The following SORCS2 variants were observed in gnomAD, a reference collection of about 807,000 sequenced individuals.
SORCS2 encodes VPS10 domain-containing receptor SorCS2.
A neutral mutation model predicts 141.6 loss-of-function variants in SORCS2; 100 were observed. The ratio of observed to expected loss-of-function variants is 0.71; its 90% confidence interval spans 0.60 to 0.83. The LOEUF (loss-of-function observed/expected upper bound fraction) is 0.83, where lower values mean the gene tolerates loss of function less well. SORCS2 is among the 40% of genes least tolerant of loss of function. The pLI is 0.00. For missense variants in SORCS2, 1,646 were observed against 1,560.2 expected, an observed-to-expected ratio of 1.05 and a Z score of -0.93; for synonymous variants, 789 against 676.9, an observed-to-expected ratio of 1.17 and a Z score of -2.57.
At chr4:7,236,517 C>G (rs1374937245) in intron 1 of SORCS2, among the ~76,000 whole-genome samples, 1 of 152,146 alleles carries the variant, frequency 6.6e-6, no homozygotes, top group African/African-American at 2.4e-5. Flanking sequence ...AGAATATTCT[C>G]TGCCGCTGTG....
At chr4:7,397,441 A>G (rs1201701315) in intron 2 of SORCS2, among the ~76,000 whole-genome samples, 1 of 150,996 alleles carries the variant, frequency 6.6e-6, no homozygotes, top group Non-Finnish European at 1.5e-5. Flanking sequence ...CCCAGCAAAA[A>G]CGCTTTTCCT....
intron 1 of SORCS2, among the ~76,000 whole-genome samples, chr4:7,370,407 G>A (rs150555524): frequency 2.0e-5 from 3 of 152,226 alleles, no homozygotes; most frequent in Admixed American, 1.3e-4. Context: ...AGGAGGAGAA[G>A]TTTGTATTCA....
chr4:7,289,575 T>C (rs1716472688), intron 1 of SORCS2, among the ~76,000 whole-genome samples: 1 of 152,162 alleles, frequency 6.6e-6, no homozygotes, highest in South Asian at 2.1e-4. Context: ...GCACTGTGGA[T>C]TGGCAGCAGC....
chr4:7,484,582 G>A (rs1450158926), intron 2 of SORCS2, among the ~76,000 whole-genome samples: 1 of 152,134 alleles, frequency 6.6e-6, no homozygotes, highest in Non-Finnish European at 1.5e-5. Context: ...GGAAATACCA[G>A]GAACAGGAAG....
At chr4:7,625,526 C>A (rs752363535) in intron 3 of SORCS2, among the ~76,000 whole-genome samples, 1 of 151,828 alleles carries the variant, frequency 6.6e-6, no homozygotes, top group Non-Finnish European at 1.5e-5. Context: ...CAAGCAGAGA[C>A]GAGCCCGGGA....
At chr4:7,492,831 C>T (rs932150271) in intron 2 of SORCS2, among the ~76,000 whole-genome samples, 1 of 152,228 alleles carries the variant, frequency 6.6e-6, no homozygotes, top group Non-Finnish European at 1.5e-5. Flanking sequence ...GAAGAAGGTA[C>T]CATTTCCCGT....
chr4:7,626,023 G>A (rs1165568344), intron 3 of SORCS2, among the ~76,000 whole-genome samples: 2 of 152,022 alleles, frequency 1.3e-5, no homozygotes, highest in African/African-American at 2.4e-5. Flanking sequence ...ACACGCGCCT[G>A]TGGTTCCCAG....
At chr4:7,244,851 C>T (rs1712970107) in intron 1 of SORCS2, among the ~76,000 whole-genome samples, 1 of 152,238 alleles carries the variant, frequency 6.6e-6, no homozygotes, top group Non-Finnish European at 1.5e-5. Flanking sequence ...TTTTCAGAAT[C>T]TTGGTGAGGG....
intron 2 of SORCS2, among the ~76,000 whole-genome samples, chr4:7,410,728 G>A (rs1725247084): frequency 6.6e-6 from 1 of 152,166 alleles, no homozygotes; most frequent in African/African-American, 2.4e-5. Context: ...ACAGCAGATA[G>A]GGATTGAGAG....
At chr4:7,275,938 A>G (rs1715469835) in intron 1 of SORCS2, among the ~76,000 whole-genome samples, 1 of 152,208 alleles carries the variant, frequency 6.6e-6, no homozygotes, top group Non-Finnish European at 1.5e-5. Flanking sequence ...AAGAATGCAA[A>G]TGAAGTGCAT....
rs950615306 is a variant in SORCS2 at position 7,663,728 on chromosome 4, A to C, written c.953-625A>C. Reference sequence around the variant, plus strand: ...GGGGGCAGGAGGAGGAGGAAAAGGAAGAGGAGGAAGAGGAGGAGGAGGAGG... The same window carrying C: ...GGGGGCAGGAGGAGGAGGAAAAGGACGAGGAGGAAGAGGAGGAGGAGGAGG... On this transcript the variant is annotated intron_variant, in intron 6 of 26. Transcript: ENST00000507866. This position sits in a 1 kb window ranked among gnomAD's most constrained non-coding sequence, Gnocchi z 4.8. 2.0e-5 allele frequency among the ~76,000 whole-genome samples: 3 copies of C among 152,114 alleles called. No homozygotes were observed. Among genetic ancestry groups the C allele is most frequent in the African/African-American group, 7.2e-5 (3 of 41,400 alleles).
intron 14 of SORCS2, among the ~76,000 whole-genome samples, chr4:7,709,060 C>G (rs534637052): frequency 1.2e-4 from 19 of 152,294 alleles, no homozygotes; most frequent in African/African-American, 4.6e-4. Flanking sequence ...GCAGGACCTC[C>G]TGTGGCCTTT....
Position 7,301,743 on chromosome 4 carries a change from A to G in SORCS2, c.481-94545A>G, listed in dbSNP as rs76871427. Reference sequence around the variant, plus strand: ...TACCAAAATGAGGTGAAGATGGGCAATTGCTCTCCTTTTTCCATGAGCTGC... The same window carrying G: ...TACCAAAATGAGGTGAAGATGGGCAGTTGCTCTCCTTTTTCCATGAGCTGC... On this transcript the variant is annotated intron_variant, in intron 1 of 26. Transcript: ENST00000507866. Among the ~76,000 whole-genome samples the G allele has an allele frequency of 3.3e-3, 497 of 152,314 alleles. 3 individuals are homozygous for G. Among genetic ancestry groups the G allele is most frequent in the African/African-American group, 0.012 (483 of 41,574 alleles).
chr4:7,370,053 T>C (rs1204279493), intron 1 of SORCS2, among the ~76,000 whole-genome samples: 1 of 152,222 alleles, frequency 6.6e-6, no homozygotes, highest in East Asian at 1.9e-4. Context: ...TGGGATCATG[T>C]AGGAATGGCC....
chr4:7,478,071 A>G (rs1730409968), intron 2 of SORCS2, among the ~76,000 whole-genome samples: 1 of 152,148 alleles, frequency 6.6e-6, no homozygotes, highest in Non-Finnish European at 1.5e-5. Context: ...AGAAAGTTAG[A>G]CACAGGGTGT....
chr4:7,570,254 C>G (rs1560394261), intron 3 of SORCS2, among the ~76,000 whole-genome samples: 1 of 152,304 alleles, frequency 6.6e-6, no homozygotes, highest in East Asian at 1.9e-4. Context: ...AAAGCAGAGG[C>G]CGGTGGAGCC....
chr4:7,330,471 CT>C (rs796326186), intron 1 of SORCS2, among the ~76,000 whole-genome samples: 8 of 151,908 alleles, frequency 5.3e-5, no homozygotes, highest in African/African-American at 1.7e-4. Context: ...ACGCACACCC[CT>C]GACGTCCAAG....
intron 1 of SORCS2, among the ~76,000 whole-genome samples, chr4:7,224,186 G>T (rs1363452059): frequency 6.6e-6 from 1 of 152,176 alleles, no homozygotes; most frequent in Non-Finnish European, 1.5e-5. Context: ...CTGCCCAGGT[G>T]GCTTGGGAAC....
At chr4:7,400,303 G>A (rs556764625) in intron 2 of SORCS2, among the ~76,000 whole-genome samples, 1 of 152,102 alleles carries the variant, frequency 6.6e-6, no homozygotes, top group Non-Finnish European at 1.5e-5. Context: ...GAGTGCATGT[G>A]GCACCAACCC....
Sources: gnomAD v4.1 joint callset for allele counts (sites outside exome capture counted in the v4.1 genomes callset) on GRCh38, gnomAD v4.1.1 for gene constraint, Gnocchi (gnomAD v3.1) non-coding constraint, MANE v1.5 for transcripts, NCBI Gene and HGNC (gene_info 2026-07-23, HGNC 2026-07-21) for gene names.